KCNT2: variants seen among roughly 807,000 people sequenced by gnomAD.
The protein encoded by KCNT2 is potassium channel subfamily T member 2.
In KCNT2, 67 loss-of-function variants were observed where a neutral mutation model predicts 153.8. That is an observed-to-expected ratio of 0.44 (90% CI 0.36 to 0.53). The LOEUF (loss-of-function observed/expected upper bound fraction) is 0.53. Ranked by LOEUF, KCNT2 falls within the 20% of genes least tolerant of loss-of-function variation. KCNT2 has a pLI of 0.00. For missense variants in KCNT2, 975 were observed against 1,354.8 expected (o/e 0.72, Z 4.40); for synonymous variants, 500 against 458.8 (o/e 1.09, Z -1.15).
intron 1 of KCNT2, among the ~76,000 whole-genome samples, chr1:196,531,980 CA>C (rs1213834166): frequency 6.6e-6 from 1 of 151,926 alleles, no homozygotes; most frequent in Non-Finnish European, 1.5e-5. Flanking sequence ...GCTACCAAAA[CA>C]CACAAATTTG....
At chr1:196,548,598 G>C (rs528137738) in intron 1 of KCNT2, among the ~76,000 whole-genome samples, 1 of 151,986 alleles carries the variant, frequency 6.6e-6, no homozygotes, top group Non-Finnish European at 1.5e-5. Context: ...TCAGTGTGGC[G>C]ATTCCTCAGG....
chr1:196,475,541 C>T (rs944344129), intron 5 of KCNT2, among the ~76,000 whole-genome samples: 7 of 151,668 alleles, frequency 4.6e-5, no homozygotes, highest in African/African-American at 1.7e-4. Flanking sequence ...GGATCTATAC[C>T]TCCTAGGAGG....
At chr1:196,432,434 C>T (rs1454355330) in intron 8 of KCNT2, among the ~76,000 whole-genome samples, 1 of 152,108 alleles carries the variant, frequency 6.6e-6, no homozygotes, top group Non-Finnish European at 1.5e-5. Flanking sequence ...TCCGTAAACG[C>T]TGCTGTGTGG....
At chr1:196,426,741 G>T (rs10801533) in intron 10 of KCNT2, among the ~76,000 whole-genome samples, 2 of 151,134 alleles carry the variant, frequency 1.3e-5, no homozygotes, top group Non-Finnish European at 2.9e-5. Flanking sequence ...TTGGATTTGC[G>T]TCCCTGTCCA....
At chr1:196,367,576 C>T (rs1399887799) in intron 14 of KCNT2, among the ~76,000 whole-genome samples, 1 of 152,082 alleles carries the variant, frequency 6.6e-6, no homozygotes, top group Non-Finnish European at 1.5e-5. Context: ...TAGAATCAAG[C>T]CTACATTTGA....
intron 1 of KCNT2, among the ~76,000 whole-genome samples, chr1:196,513,953 T>G (rs1398052769): frequency 6.6e-6 from 1 of 152,200 alleles, no homozygotes; most frequent in Non-Finnish European, 1.5e-5. Flanking sequence ...CCTCTACGCT[T>G]AGTGCTTTGC....
Position 196,281,115 on chromosome 1 carries a change from T to A in KCNT2, c.2782-127A>T, listed in dbSNP as rs1459588114. 4 of 669,086 alleles carry A rather than the reference T, an allele frequency of 6.0e-6. No individual in the cohort carries two copies. In the African/African-American group the frequency reaches 7.2e-5, roughly 12 times the overall value. The allele number at this position is 669,086 out of a possible 1,614,324, so 41.4% of individuals were successfully genotyped here. On this transcript the variant is annotated intron_variant, in intron 24 of 27. Transcript: ENST00000294725. The stretch of plus-strand genomic sequence containing the variant: ...TCTCACTCTGTCACCCAGGCTACAG[T>A]GCAACGGTGCAACCATGGCTCACTG...
At chr1:196,508,360 A>G (rs1429239604) in intron 1 of KCNT2, among the ~76,000 whole-genome samples, 2 of 152,008 alleles carry the variant, frequency 1.3e-5, no homozygotes, top group Non-Finnish European at 2.9e-5. Flanking sequence ...TATACTTTAG[A>G]AACAAAACAA....
At chr1:196,440,720 T>C (rs900821896) in intron 8 of KCNT2, among the ~76,000 whole-genome samples, 12 of 151,894 alleles carry the variant, frequency 7.9e-5, no homozygotes, top group Admixed American at 7.9e-4. Context: ...TGTTTTTTCA[T>C]GGATATCAAA....
chr1:196,354,589 G>T (rs1165109236), intron 14 of KCNT2, among the ~76,000 whole-genome samples: 4 of 151,572 alleles, frequency 2.6e-5, no homozygotes, highest in East Asian at 1.9e-4. Flanking sequence ...TTTTGGGAAA[G>T]AATTTCATTC....
At chr1:196,573,265 C>T (rs1193375212) in intron 1 of KCNT2, among the ~76,000 whole-genome samples, 1 of 152,010 alleles carries the variant, frequency 6.6e-6, no homozygotes, top group Non-Finnish European at 1.5e-5. Context: ...GTTTAAAATT[C>T]TGTGAAAGCA....
intron 1 of KCNT2, among the ~76,000 whole-genome samples, chr1:196,597,213 A>C (rs889674212): frequency 6.6e-6 from 1 of 152,124 alleles, no homozygotes; most frequent in Non-Finnish European, 1.5e-5. Flanking sequence ...TTCTCAACAA[A>C]GAATGTAACT....
chr1:196,342,028 G>A (rs1665684755), intron 15 of KCNT2, 51 bp downstream of exon 15: 3 of 1,558,610 alleles, frequency 1.9e-6, no homozygotes, highest in East Asian at 2.3e-5. Context: ...ATTTTCACAT[G>A]ATATGCTTGA....
At chr1:196,555,321 A>G (rs1658495553) in intron 1 of KCNT2, among the ~76,000 whole-genome samples, 1 of 151,526 alleles carries the variant, frequency 6.6e-6, no homozygotes, top group South Asian at 2.1e-4. Context: ...ATACAAAATC[A>G]ACATACAAAA....
At position 196,537,012 on chromosome 1, in the gene KCNT2, G is replaced by A. The variant is rs573734070; in HGVS notation, c.96-44671C>T. On this transcript the variant is annotated intron_variant, in intron 1 of 27. Coordinates refer to ENST00000294725, the MANE Select transcript of KCNT2 (RefSeq NM_198503.5). ...CAATAGCCTACTGGTATTCCCAGGT[G>A]CTCCATGCACTGCCGTAGGCCTCAG... Among the ~76,000 whole-genome samples the A allele has an allele frequency of 6.6e-5, 10 of 152,252 alleles. No homozygotes were observed. The South Asian group carries it at 8.3e-4, about 13-fold the overall frequency.
chr1:196,293,118 T>C (rs1021803186), intron 22 of KCNT2, among the ~76,000 whole-genome samples: 1 of 152,070 alleles, frequency 6.6e-6, no homozygotes, highest in Non-Finnish European at 1.5e-5. Context: ...AAAGAAACTG[T>C]AGATGACACA....
chr1:196,344,760 G>C (rs1444723949), intron 14 of KCNT2, among the ~76,000 whole-genome samples: 5 of 152,134 alleles, frequency 3.3e-5, no homozygotes, highest in Non-Finnish European at 7.4e-5. Flanking sequence ...GATGGAATCG[G>C]ACTAGGACAG....
At chr1:196,505,317 C>T (rs1413916514) in intron 1 of KCNT2, among the ~76,000 whole-genome samples, 1 of 152,180 alleles carries the variant, frequency 6.6e-6, no homozygotes, top group Non-Finnish European at 1.5e-5. Flanking sequence ...AACCAGTTTT[C>T]CCGGCACCAT....
intron 13 of KCNT2, among the ~76,000 whole-genome samples, chr1:196,379,254 T>C (rs1428587996): frequency 6.6e-6 from 1 of 152,092 alleles, no homozygotes; most frequent in Non-Finnish European, 1.5e-5. Context: ...CCCTCCTTTG[T>C]TGAAGAAAGT....
Sources: allele counts gnomAD v4.1 joint callset (sites outside exome capture counted in the v4.1 genomes callset), GRCh38; gene constraint gnomAD v4.1.1; transcripts MANE v1.5; gene names NCBI Gene and HGNC (gene_info 2026-07-23, HGNC 2026-07-21).